Variants in MGLL observed in about 807,000 individuals in gnomAD.
MGLL encodes monoglyceride lipase.
Under a neutral mutation model 29.1 loss-of-function variants are expected in MGLL, and 7 were observed. The observed-to-expected ratio is 0.24, with a 90% CI of 0.14 to 0.45. The LOEUF is 0.45. MGLL is among the 20% of genes least tolerant of loss of function. The pLI is 0.99. For missense variants in MGLL, 356 were observed against 413.6 expected (o/e 0.86, Z 1.21); for synonymous variants, 148 against 168.3 (o/e 0.88, Z 0.93).
chr3:127,821,412 C>T (rs1001304031), intron 2 of MGLL, among the ~76,000 whole-genome samples: 2 of 152,002 alleles, frequency 1.3e-5, no homozygotes, highest in Non-Finnish European at 2.9e-5. Flanking sequence ...AAATCAACTC[C>T]AGTACAAAAA....
chr3:127,743,774 T>C (rs55952120), intron 3 of MGLL, among the ~76,000 whole-genome samples: 22,266 of 151,968 alleles, frequency 0.15, 1,691 homozygotes, highest in African/African-American at 0.17. Context: ...TTCTAAAAAA[T>C]GTACAGATGG....
At chr3:127,744,873 C>A (rs1407812896) in intron 3 of MGLL, among the ~76,000 whole-genome samples, 1 of 152,200 alleles carries the variant, frequency 6.6e-6, no homozygotes, top group East Asian at 1.9e-4. Context: ...CCTGACCTGA[C>A]CCAGATTTTG....
chr3:127,759,998 C>T (rs898084161), intron 3 of MGLL, among the ~76,000 whole-genome samples: 6 of 152,192 alleles, frequency 3.9e-5, no homozygotes, highest in African/African-American at 1.2e-4. Context: ...ACTGTCTTTG[C>T]GGGCAGGCCC....
At chr3:127,810,207 C>G (rs2077636911) in intron 2 of MGLL, among the ~76,000 whole-genome samples, 1 of 152,132 alleles carries the variant, frequency 6.6e-6, no homozygotes, top group African/African-American at 2.4e-5. Flanking sequence ...GAGAAATCAA[C>G]CCTGTTGACG....
At chr3:127,816,850 T>C (rs2077765725) in intron 2 of MGLL, among the ~76,000 whole-genome samples, 1 of 152,200 alleles carries the variant, frequency 6.6e-6, no homozygotes. Flanking sequence ...TGGTTCTAGA[T>C]CCACTGAAAG....
intron 3 of MGLL, among the ~76,000 whole-genome samples, chr3:127,755,688 C>T (rs1220076135): frequency 1.3e-5 from 2 of 152,236 alleles, no homozygotes; most frequent in South Asian, 4.1e-4. Flanking sequence ...GGCAGAGTCA[C>T]CAAATCTTCG....
chr3:127,762,732 T>C (rs2076787796), intron 3 of MGLL, among the ~76,000 whole-genome samples: 1 of 152,236 alleles, frequency 6.6e-6, no homozygotes, highest in South Asian at 2.1e-4. Context: ...TGGTCATTAC[T>C]GCAGCTTCAG....
Position 127,710,655 on chromosome 3 carries a change from G to A in MGLL, c.521C>T (p.Ala174Val), listed in dbSNP as rs374353919. 8.1e-5 allele frequency: 127 copies of A among 1,570,100 alleles called. No individual in the cohort carries two copies. Among genetic ancestry groups the A allele is most frequent in the Middle Eastern group, 1.7e-4 (1 of 6,028 alleles). Residue 174 changes from alanine (A) to valine (V), a missense_variant, in exon 6 of 8, where the codon GCG becomes GTG. By Grantham distance (64) the Ala-to-Val change is moderately conservative. Transcript: ENST00000265052. Reference sequence around the variant, plus strand: ...TGGCAGCACAAGGTTGAGCACTTTCGCAGCAAGGACCTAGCCGGGGAGGGA... The same window carrying A: ...TGGCAGCACAAGGTTGAGCACTTTCACAGCAAGGACCTAGCCGGGGAGGGA... ...ESATTFKVLA[A>V]KVLNLVLPNL... is the part of the protein sequence containing the mutation.
chr3:127,746,855 A>G (rs775549317), intron 3 of MGLL, among the ~76,000 whole-genome samples: 1 of 151,204 alleles, frequency 6.6e-6, no homozygotes, highest in Non-Finnish European at 1.5e-5. Context: ...CACCCAGTCC[A>G]TGGGCCTGGG....
At chr3:127,694,840 C>CGGT in intron 7 of MGLL, 135 bp downstream of exon 7, 1 of 750,664 alleles carries the variant, frequency 1.3e-6, no homozygotes. Flanking sequence ...ATTTATTTCT[C>CGGT]GGTCAAGCAG....
At chr3:127,718,769 A>T (rs2075863863) in intron 5 of MGLL, among the ~76,000 whole-genome samples, 1 of 152,182 alleles carries the variant, frequency 6.6e-6, no homozygotes, top group African/African-American at 2.4e-5. Context: ...ACCGGGAGAG[A>T]GACTCTCCCT....
intron 3 of MGLL, among the ~76,000 whole-genome samples, chr3:127,773,441 AAC>A (rs1426282695): frequency 6.6e-6 from 1 of 152,194 alleles, no homozygotes; most frequent in Non-Finnish European, 1.5e-5. Context: ...TGAACATGTA[AAC>A]ACAGTGTTGA....
chr3:127,752,103 CT>C (rs34517374), intron 3 of MGLL, among the ~76,000 whole-genome samples: 46 of 148,076 alleles, frequency 3.1e-4, no homozygotes, highest in South Asian at 4.3e-4. Context: ...CTCTGTGTCA[CT>C]TTTTTTTTTT....
chr3:127,753,847 A>G (rs1460791541), intron 3 of MGLL, among the ~76,000 whole-genome samples: 4 of 152,220 alleles, frequency 2.6e-5, no homozygotes, highest in African/African-American at 7.2e-5. Flanking sequence ...GAGCACAGGC[A>G]GGTCTCCACC....
At chr3:127,702,895 A>G (rs1022036811) in intron 6 of MGLL, among the ~76,000 whole-genome samples, 1 of 152,178 alleles carries the variant, frequency 6.6e-6, no homozygotes, top group African/African-American at 2.4e-5. Context: ...GGGTTTCACC[A>G]TGTTGGCCAG....
At chr3:127,766,045 A>G (rs1272764088) in intron 3 of MGLL, among the ~76,000 whole-genome samples, 1 of 152,154 alleles carries the variant, frequency 6.6e-6, no homozygotes, top group East Asian at 1.9e-4. Flanking sequence ...AGGTGGGGAA[A>G]CTGAGGCTCA....
intron 5 of MGLL, among the ~76,000 whole-genome samples, chr3:127,715,167 G>A (rs2075790984): frequency 6.6e-6 from 1 of 152,140 alleles, no homozygotes; most frequent in Non-Finnish European, 1.5e-5. Context: ...GGCCAAAGTG[G>A]GGCCCTGGCA....
intron 6 of MGLL, among the ~76,000 whole-genome samples, chr3:127,702,761 C>A (rs1018836504): frequency 2.6e-5 from 4 of 152,202 alleles, no homozygotes; most frequent in African/African-American, 7.2e-5. Flanking sequence ...GTGGTGCGAT[C>A]TTGGCTCACT....
chr3:127,692,867 C>T (rs779592450), intron 7 of MGLL, among the ~76,000 whole-genome samples: 8 of 152,180 alleles, frequency 5.3e-5, no homozygotes, highest in Non-Finnish European at 8.8e-5. Flanking sequence ...TCAACCTAGC[C>T]GGCAGATCCT....
Sources: gnomAD v4.1 joint callset for allele counts (sites outside exome capture counted in the v4.1 genomes callset) on GRCh38, gnomAD v4.1.1 for gene constraint, MANE v1.5 for transcripts, NCBI Gene and HGNC (gene_info 2026-07-23, HGNC 2026-07-21) for gene names.